The following SHISA9 variants were observed in gnomAD, a reference collection of about 807,000 sequenced individuals.
SHISA9 encodes protein shisa-9.
SHISA9 carries 13 observed loss-of-function variants against 38.0 expected under a neutral mutation model. The ratio of observed to expected loss-of-function variants is 0.34; its 90% confidence interval spans 0.22 to 0.54. The LOEUF is 0.54. SHISA9 is among the 20% of genes least tolerant of loss of function. The pLI, the probability that SHISA9 is intolerant of heterozygous loss-of-function variation, is 0.91. For synonymous variants in SHISA9, 275 were observed against 242.0 expected, an observed-to-expected ratio of 1.14 and a Z score of -1.27; for missense variants, 538 against 575.8, an observed-to-expected ratio of 0.93 and a Z score of 0.67.
chr16:13,408,018 G>A, the SHISA9 span, among the ~76,000 whole-genome samples: 1 of 152,098 alleles, frequency 6.6e-6, no homozygotes, highest in Non-Finnish European at 1.5e-5. Context: ...GGTTCTGGAT[G>A]GCTTCTCTGT....
intron 1 of SHISA9, among the ~76,000 whole-genome samples, chr16:12,903,416 G>T (rs1218398603): frequency 6.6e-6 from 1 of 152,212 alleles, no homozygotes; most frequent in Non-Finnish European, 1.5e-5. Flanking sequence ...TCAACTTTCG[G>T]GTTTGCCTTG....
the SHISA9 span, among the ~76,000 whole-genome samples, chr16:13,292,626 G>A: frequency 2.6e-5 from 4 of 152,006 alleles, no homozygotes; most frequent in African/African-American, 7.2e-5. Context: ...CCAAGAGCTG[G>A]TCATCTTGTT....
the SHISA9 span, among the ~76,000 whole-genome samples, chr16:13,303,232 CAAAAG>C: frequency 1.3e-5 from 2 of 151,802 alleles, no homozygotes; most frequent in South Asian, 2.1e-4. Context: ...AGTATATACT[CAAAAG>C]AAAGGAAAAC....
chr16:13,262,254 G>A, the SHISA9 span, among the ~76,000 whole-genome samples: 114 of 152,296 alleles, frequency 7.5e-4, no homozygotes, highest in African/African-American at 2.1e-3. Flanking sequence ...ATTGATACCA[G>A]CCAGAAACTG....
the SHISA9 span, among the ~76,000 whole-genome samples, chr16:13,288,011 C>A: frequency 6.6e-6 from 1 of 152,064 alleles, no homozygotes; most frequent in African/African-American, 2.4e-5. Context: ...AGTGAGTTCA[C>A]TTTTGGACTT....
intron 4 of SHISA9, among the ~76,000 whole-genome samples, chr16:13,214,584 G>A (rs1373175153): frequency 6.6e-6 from 1 of 152,156 alleles, no homozygotes; most frequent in Non-Finnish European, 1.5e-5. Context: ...TGGTGTATTA[G>A]TCTGTTTCAA....
chr16:13,158,543 G>A (rs2050566945), intron 2 of SHISA9, among the ~76,000 whole-genome samples: 1 of 152,180 alleles, frequency 6.6e-6, no homozygotes, highest in African/African-American at 2.4e-5. Flanking sequence ...TCTCAAGATG[G>A]CTTATTCACT....
chr16:13,172,679 A>G (rs1037887331), intron 2 of SHISA9, among the ~76,000 whole-genome samples: 1 of 151,736 alleles, frequency 6.6e-6, no homozygotes, highest in Non-Finnish European at 1.5e-5. Flanking sequence ...GCGTCTGTTT[A>G]GGCCCATGAG....
At chr16:13,098,083 G>T (rs370039156) in intron 2 of SHISA9, among the ~76,000 whole-genome samples, 1 of 152,158 alleles carries the variant, frequency 6.6e-6, no homozygotes, top group Non-Finnish European at 1.5e-5. Flanking sequence ...CAGAAGAAAC[G>T]GAGGGTCAGA....
the SHISA9 span, among the ~76,000 whole-genome samples, chr16:13,304,325 C>A: frequency 6.6e-6 from 1 of 152,360 alleles, no homozygotes; most frequent in Middle Eastern, 3.4e-3. Context: ...GTAGCATGAT[C>A]ACGGCTCACC....
chr16:13,506,249 T>A, the SHISA9 span, among the ~76,000 whole-genome samples: 1 of 152,246 alleles, frequency 6.6e-6, no homozygotes, highest in African/African-American at 2.4e-5. Flanking sequence ...AACTATATCC[T>A]GAGTATCTGC....
the SHISA9 span, among the ~76,000 whole-genome samples, chr16:13,286,635 G>C: frequency 6.6e-6 from 1 of 152,158 alleles, no homozygotes; most frequent in Non-Finnish European, 1.5e-5. Flanking sequence ...AAATATATCG[G>C]AGAGCTTTGA....
intron 2 of SHISA9, among the ~76,000 whole-genome samples, chr16:13,182,262 G>A (rs757309050): frequency 4.6e-5 from 7 of 152,050 alleles, no homozygotes; most frequent in Non-Finnish European, 7.4e-5. Context: ...GAGGGACAGG[G>A]GACATCAGAG....
the SHISA9 span, among the ~76,000 whole-genome samples, chr16:13,483,389 G>T: frequency 6.6e-6 from 1 of 152,146 alleles, no homozygotes; most frequent in Admixed American, 6.6e-5. Flanking sequence ...AATATTTGCT[G>T]CCTAGCTTTA....
the SHISA9 span, among the ~76,000 whole-genome samples, chr16:13,271,577 C>T: frequency 1.3e-5 from 2 of 151,964 alleles, no homozygotes; most frequent in Admixed American, 6.6e-5. Flanking sequence ...TTGACACACA[C>T]GACATCATGA....
At chr16:12,930,968 C>G (rs540679666) in intron 2 of SHISA9, among the ~76,000 whole-genome samples, 2 of 152,304 alleles carry the variant, frequency 1.3e-5, no homozygotes, top group African/African-American at 4.8e-5. Context: ...CTTACCTACT[C>G]TTTGACTTTG....
rs138229406 is a variant in SHISA9, at chr16:13,057,716, C to T, written c.691+140901C>T. On this transcript the variant is annotated intron_variant, in intron 2 of 4. Transcript: ENST00000558583. ...TGTGCAGGTTTGTTACATAGGTAAA[C>T]GTGTGCCATGGTGGTTTGCTGCACC... Among the ~76,000 whole-genome samples the T allele has an allele frequency of 3.2e-4, 48 of 152,220 alleles. 1 individual carries two copies. The highest frequency in any genetic ancestry group is 1.0e-3 in the African/African-American group (42 of 41,512).
chr16:13,146,427 G>A (rs948182111), intron 2 of SHISA9, among the ~76,000 whole-genome samples: 16 of 152,244 alleles, frequency 1.1e-4, no homozygotes, highest in African/African-American at 3.6e-4. Flanking sequence ...GGGTACATGA[G>A]TGATTTTGAT....
intron 2 of SHISA9, among the ~76,000 whole-genome samples, chr16:12,967,319 A>G (rs2071993146): frequency 6.6e-6 from 1 of 152,188 alleles, no homozygotes; most frequent in African/African-American, 2.4e-5. Flanking sequence ...ACAAAAAACC[A>G]AACACCGCAT....
Sources: allele counts gnomAD v4.1 joint callset (sites outside exome capture counted in the v4.1 genomes callset), GRCh38; gene constraint gnomAD v4.1.1; transcripts MANE v1.5; gene names NCBI Gene and HGNC (gene_info 2026-07-23, HGNC 2026-07-21).